The following KAZN variants were observed in gnomAD, a reference collection of about 807,000 sequenced individuals.
KAZN encodes kazrin.
Under a neutral mutation model 87.4 loss-of-function variants are expected in KAZN, and 40 were observed. The ratio of observed to expected loss-of-function variants is 0.46; its 90% confidence interval spans 0.36 to 0.60. KAZN has a LOEUF of 0.60. Ranked by LOEUF, KAZN falls within the 20% of genes least tolerant of loss-of-function variation. The pLI is 0.00. For missense variants in KAZN, 898 were observed against 1,073.9 expected (o/e 0.84, Z 2.29); for synonymous variants, 466 against 458.3 (o/e 1.02, Z -0.22).
At chr1:14,170,304 G>C (rs1281627108) in intron 1 of KAZN, among the ~76,000 whole-genome samples, 1 of 152,016 alleles carries the variant, frequency 6.6e-6, no homozygotes. Context: ...GGTTCTAAGG[G>C]TTTGTTTCAT....
intron 1 of KAZN, among the ~76,000 whole-genome samples, chr1:14,873,197 T>C (rs1208048330): frequency 1.3e-5 from 2 of 152,134 alleles, no homozygotes; most frequent in African/African-American, 4.8e-5. Flanking sequence ...GATTCATCCA[T>C]TCATTCCTTC....
chr1:14,371,485 G>A (rs1660478438), intron 2 of KAZN, among the ~76,000 whole-genome samples: 1 of 152,144 alleles, frequency 6.6e-6, no homozygotes, highest in Non-Finnish European at 1.5e-5. Context: ...ACATTTGGCA[G>A]GAGAGTAGCA....
At chr1:14,281,320 A>G (rs116258744) in intron 2 of KAZN, among the ~76,000 whole-genome samples, 3,350 of 152,316 alleles carry the variant, frequency 0.022, 43 homozygotes, top group Non-Finnish European at 0.032. Flanking sequence ...TGTATTTGTT[A>G]TCAGCAGCAA....
intron 1 of KAZN, among the ~76,000 whole-genome samples, chr1:13,987,326 C>G (rs536718322): frequency 7.2e-5 from 11 of 152,090 alleles, no homozygotes; most frequent in African/African-American, 2.4e-4. Flanking sequence ...CTCTTGCCCC[C>G]CTACCCCTCA....
intron 1 of KAZN, among the ~76,000 whole-genome samples, chr1:14,173,658 T>TCCCCCCCCCCC (rs1557535998): frequency 1.3e-5 from 2 of 148,492 alleles, no homozygotes; most frequent in African/African-American, 5.0e-5. Flanking sequence ...GTAGTTCCCC[T>TCCCCCCCCCCC]CCCCGCCCCG....
chr1:14,859,141 A>G (rs1429912814), intron 1 of KAZN, among the ~76,000 whole-genome samples: 3 of 150,518 alleles, frequency 2.0e-5, no homozygotes, highest in Non-Finnish European at 4.4e-5. Flanking sequence ...TGGGAGGTGG[A>G]GTTTGCAGTG....
intron 1 of KAZN, among the ~76,000 whole-genome samples, chr1:14,052,951 G>T (rs192047229): frequency 6.6e-6 from 1 of 152,122 alleles, no homozygotes; most frequent in African/African-American, 2.4e-5. Context: ...AGGATGACCC[G>T]CAGGAGGTTT....
intron 1 of KAZN, among the ~76,000 whole-genome samples, chr1:13,928,679 T>C (rs1640377569): frequency 1.3e-5 from 2 of 152,128 alleles, no homozygotes. Flanking sequence ...AGGCTCTGCA[T>C]GGGGATGATG....
chr1:14,523,016 G>A (rs1321876346), intron 2 of KAZN, among the ~76,000 whole-genome samples: 2 of 152,086 alleles, frequency 1.3e-5, no homozygotes, highest in South Asian at 2.1e-4. Flanking sequence ...CAGCATGTAC[G>A]AGCTATGAGT....
intron 2 of KAZN, among the ~76,000 whole-genome samples, chr1:14,248,465 CA>C (rs1649713863): frequency 6.6e-6 from 1 of 152,204 alleles, no homozygotes; most frequent in Non-Finnish European, 1.5e-5. Context: ...CGGACAGCTC[CA>C]ATATGGTGAG....
At chr1:14,938,836 G>A (rs1239026242) in intron 1 of KAZN, among the ~76,000 whole-genome samples, 1 of 152,226 alleles carries the variant, frequency 6.6e-6, no homozygotes, top group Non-Finnish European at 1.5e-5. Context: ...CTTGTAAAAT[G>A]AGAATGATGG....
At chr1:14,149,094 T>C (rs866433058) in intron 1 of KAZN, among the ~76,000 whole-genome samples, 9 of 90,466 alleles carry the variant, frequency 9.9e-5, no homozygotes, top group South Asian at 9.2e-4. Flanking sequence ...TTCCTTCCTT[T>C]CTTTCTTTCC....
chr1:14,882,627 T>C (rs755410058), intron 1 of KAZN, among the ~76,000 whole-genome samples: 2 of 152,208 alleles, frequency 1.3e-5, no homozygotes, highest in East Asian at 1.9e-4. Flanking sequence ...GTGCTGGCTC[T>C]GAGGAACCAA....
At chr1:14,258,240 G>C (rs1650718485) in intron 2 of KAZN, among the ~76,000 whole-genome samples, 1 of 137,006 alleles carries the variant, frequency 7.3e-6, no homozygotes, top group Non-Finnish European at 1.5e-5. Flanking sequence ...TTTTGAGACA[G>C]AGTCTTTCTC....
chr1:13,935,242 A>AGTG (rs1640678854), intron 1 of KAZN, among the ~76,000 whole-genome samples: 1 of 129,726 alleles, frequency 7.7e-6, no homozygotes, highest in Admixed American at 8.3e-5. Flanking sequence ...CGTATCAAAT[A>AGTG]GTAGTAGTAG....
chr1:15,046,148 A>G lies in KAZN; in HGVS notation c.726+1989A>G, dbSNP rs566179565. On this transcript the variant is annotated intron_variant, in intron 4 of 14. Transcript: ENST00000376030. Reference sequence around the variant, plus strand: ...CCTTGTCTCTACTAAAAATACAAAAATTAGCCAGACATGGCGGTGGATGCC... The same window carrying G: ...CCTTGTCTCTACTAAAAATACAAAAGTTAGCCAGACATGGCGGTGGATGCC... Among the ~76,000 whole-genome samples, 4 of 152,222 alleles carry G rather than the reference A, an allele frequency of 2.6e-5. No homozygotes were observed. The East Asian group carries it at 7.7e-4, about 29-fold the overall frequency.
intron 6 of KAZN, chr1:15,063,135 A>C: frequency 5.8e-6 from 1 of 173,568 alleles, no homozygotes; most frequent in Non-Finnish European, 1.2e-5. Context: ...GTTGTGGGGG[A>C]AGCTAGAGGC....
chr1:14,296,629 CTTTTTTTTT>C (rs775666706), intron 2 of KAZN, among the ~76,000 whole-genome samples: 3 of 82,758 alleles, frequency 3.6e-5, no homozygotes, highest in Non-Finnish European at 6.5e-5. Flanking sequence ...TTTTGTATTT[CTTTTTTTTT>C]TTTTTTTTTT....
At chr1:13,967,488 TGGCCTGGGGGGAAATACAGA>T (rs1641988448) in intron 1 of KAZN, among the ~76,000 whole-genome samples, 2 of 152,268 alleles carry the variant, frequency 1.3e-5, no homozygotes, top group East Asian at 1.9e-4. Flanking sequence ...GGAGACAGTG[TGGCCTGGGGGGAAATACAGA>T]GGCCTGGGGG....
Sources: gnomAD v4.1 joint callset for allele counts (sites outside exome capture counted in the v4.1 genomes callset) on GRCh38, gnomAD v4.1.1 for gene constraint, MANE v1.5 for transcripts, NCBI Gene and HGNC (gene_info 2026-07-23, HGNC 2026-07-21) for gene names.